ADAM23: variants seen among roughly 807,000 people sequenced by gnomAD.
ADAM23 encodes the protein ADAM metallopeptidase domain 23.
Under a neutral mutation model 120.1 loss-of-function variants are expected in ADAM23, and 33 were observed. The observed-to-expected ratio is 0.27, with a 90% CI of 0.21 to 0.37. The LOEUF (loss-of-function observed/expected upper bound fraction) is 0.37. ADAM23 is among the 10% of genes least tolerant of loss of function. The probability of loss-of-function intolerance (pLI) is 1.00; values close to 1 mark genes in which losing one functional copy is unlikely to be tolerated. For missense variants in ADAM23, 862 were observed against 1,058.2 expected (o/e 0.81, Z 2.57); for synonymous variants, 367 against 375.2 (o/e 0.98, Z 0.25).
At chr2:206,617,482 AT>A (rs1362172041) in intron 25 of ADAM23, 96 bp from the exon 26 acceptor site, 1 of 1,360,364 alleles carries the variant, frequency 7.4e-7, no homozygotes, top group Non-Finnish European at 9.9e-7. Flanking sequence ...TGGAACTAGC[AT>A]TATTGTCATT....
At chr2:206,508,236 A>G (rs945251031) in intron 3 of ADAM23, among the ~76,000 whole-genome samples, 1 of 152,088 alleles carries the variant, frequency 6.6e-6, no homozygotes, top group Non-Finnish European at 1.5e-5. Flanking sequence ...TCACCGTGTT[A>G]GCCAGGATGG....
At chr2:206,550,384 A>G (rs904022529) in intron 9 of ADAM23, among the ~76,000 whole-genome samples, 1 of 152,088 alleles carries the variant, frequency 6.6e-6, no homozygotes, top group Non-Finnish European at 1.5e-5. Flanking sequence ...AGATTTAGCT[A>G]TCTGGCATCT....
chr2:206,487,790 G>C (rs147641827), intron 3 of ADAM23, among the ~76,000 whole-genome samples: 1 of 152,184 alleles, frequency 6.6e-6, no homozygotes, highest in East Asian at 1.9e-4. Context: ...TTAATAGAAC[G>C]CTACTCCAGC....
At position 206,505,923 on chromosome 2, in the gene ADAM23, A is replaced by G. The variant is rs542551897; in HGVS notation, c.509+24615A>G. Reference sequence around the variant, plus strand: ...AGCTGCAAGTGCAAAGGATATCCAGATTTTCACCAGGCTTTCTCCTTTTCC... The same window carrying G: ...AGCTGCAAGTGCAAAGGATATCCAGGTTTTCACCAGGCTTTCTCCTTTTCC... On this transcript the variant is annotated intron_variant, in intron 3 of 25. Transcript: ENST00000264377. 5.9e-5 allele frequency among the ~76,000 whole-genome samples: 9 copies of G among 152,250 alleles called. No individual in the cohort carries two copies. In the South Asian group the frequency reaches 1.9e-3, roughly 32 times the overall value.
At chr2:206,555,734 A>G (rs1437927128) in intron 9 of ADAM23, among the ~76,000 whole-genome samples, 1 of 152,244 alleles carries the variant, frequency 6.6e-6, no homozygotes, top group Non-Finnish European at 1.5e-5. Context: ...ATAACAAATT[A>G]ATACTCAGAA....
chr2:206,444,410 G>A (rs1695032565), intron 1 of ADAM23, among the ~76,000 whole-genome samples: 1 of 152,222 alleles, frequency 6.6e-6, no homozygotes, highest in Admixed American at 6.5e-5. Flanking sequence ...GGAGCAAGTT[G>A]CTACTTGCGT....
intron 9 of ADAM23, among the ~76,000 whole-genome samples, chr2:206,550,803 G>A (rs1430537150): frequency 1.3e-5 from 2 of 151,986 alleles, no homozygotes; most frequent in East Asian, 1.9e-4. Flanking sequence ...GGGTTTCACC[G>A]CCTTAGCGAG....
intron 3 of ADAM23, among the ~76,000 whole-genome samples, chr2:206,517,710 C>T (rs1574509183): frequency 1.3e-5 from 2 of 152,094 alleles, no homozygotes; most frequent in Admixed American, 1.3e-4. Context: ...CATGAGTTAC[C>T]AACCTTGGTG....
intron 6 of ADAM23, among the ~76,000 whole-genome samples, chr2:206,543,750 T>TAC (rs35626987): frequency 0.13 from 19,802 of 149,932 alleles, 1,468 homozygotes; most frequent in Middle Eastern, 0.18. Context: ...TAAAATGTGA[T>TAC]ACACACACAC....
intron 3 of ADAM23, among the ~76,000 whole-genome samples, chr2:206,517,696 CT>C (rs984696668): frequency 7.9e-5 from 12 of 152,192 alleles, no homozygotes; most frequent in Admixed American, 6.5e-4. Flanking sequence ...TTTTCTACCC[CT>C]GTCATGAGTT....
intron 2 of ADAM23, among the ~76,000 whole-genome samples, chr2:206,447,584 G>T (rs904342740): frequency 1.3e-5 from 2 of 152,186 alleles, no homozygotes; most frequent in Non-Finnish European, 2.9e-5. Context: ...TCTTGAAGTA[G>T]TTGATAAAAA....
chr2:206,570,694 T>G, intron 15 of ADAM23, 46 bp from the exon 16 acceptor site: 1 of 1,501,192 alleles, frequency 6.7e-7, no homozygotes, highest in Non-Finnish European at 9.3e-7. Context: ...GCTGATTTTC[T>G]GTGATAAATT....
chr2:206,475,322 CT>C (rs1404444188), intron 2 of ADAM23, among the ~76,000 whole-genome samples: 1 of 152,080 alleles, frequency 6.6e-6, no homozygotes, highest in Non-Finnish European at 1.5e-5. Flanking sequence ...TTGATATTTT[CT>C]TTTGGACTTC....
intron 3 of ADAM23, among the ~76,000 whole-genome samples, chr2:206,494,447 G>A (rs1696197132): frequency 6.6e-6 from 1 of 152,170 alleles, no homozygotes; most frequent in African/African-American, 2.4e-5. Flanking sequence ...AGCTCATAGG[G>A]AAACAAGAAT....
chr2:206,475,136 G>A lies in ADAM23; in HGVS notation c.433-6096G>A, dbSNP rs186743785. Among the ~76,000 whole-genome samples the A allele has an allele frequency of 2.6e-5, 4 of 152,274 alleles. No individual in the cohort carries two copies. The East Asian group carries it at 5.8e-4, about 22-fold the overall frequency. On this transcript the variant is annotated intron_variant, in intron 2 of 25. Transcript: ENST00000264377. ...CTATAAAAGGGTAATAAAAATGTCTGCTGTACCAATTGCATGGGGTGCTGT... is the reference window on the plus strand; with the variant it reads ...CTATAAAAGGGTAATAAAAATGTCTACTGTACCAATTGCATGGGGTGCTGT...
chr2:206,587,360 A>C lies in ADAM23; in HGVS notation c.1773A>C (p.Ala591=), dbSNP rs769128720. 6.2e-7 allele frequency: 1 copy of C among 1,607,808 alleles called. No homozygotes were observed. Among genetic ancestry groups the C allele is most frequent in the Middle Eastern group, 1.7e-4 (1 of 6,042 alleles). The change falls in exon 19 of 26, where the codon GCA becomes GCC. Residue 591 remains alanine (A), a synonymous_variant. Coordinates refer to ENST00000264377, the MANE Select transcript of ADAM23 (RefSeq NM_003812.4). ...PPNLHKQDGY[A]CNQNQGRCYN... ...ATCTTCATAAGCAAGACGGATATGC[A>C]TGCAATCAAAATCAGGTATGCTGGG...
At chr2:206,529,395 T>A (rs979794133) in intron 3 of ADAM23, among the ~76,000 whole-genome samples, 2 of 152,186 alleles carry the variant, frequency 1.3e-5, no homozygotes. Flanking sequence ...TTATTTATTT[T>A]AAATTTCTTT....
chr2:206,576,908 A>C (rs978901636), intron 18 of ADAM23, among the ~76,000 whole-genome samples: 3 of 152,188 alleles, frequency 2.0e-5, no homozygotes, highest in African/African-American at 7.2e-5. Context: ...GAAATATGTC[A>C]TCTAAGTGGG....
chr2:206,448,485 A>G (rs1695126286), intron 2 of ADAM23, among the ~76,000 whole-genome samples: 1 of 134,722 alleles, frequency 7.4e-6, no homozygotes, highest in Non-Finnish European at 1.7e-5. Context: ...GACCGTTGGA[A>G]TCTCCAGAGT....
Sources: allele counts gnomAD v4.1 joint callset (sites outside exome capture counted in the v4.1 genomes callset), GRCh38; gene constraint gnomAD v4.1.1; transcripts MANE v1.5; gene names NCBI Gene and HGNC (gene_info 2026-07-23, HGNC 2026-07-21).